The following NFATC2 variants were observed in gnomAD, a reference collection of about 807,000 sequenced individuals.
NFATC2 encodes the protein nuclear factor of activated T cells 2.
In NFATC2, 22 loss-of-function variants were observed where a neutral mutation model predicts 87.3. The observed-to-expected ratio is 0.25, with a 90% CI of 0.18 to 0.36. The LOEUF (loss-of-function observed/expected upper bound fraction) is 0.36. Among genes scored for constraint, NFATC2 ranks in the 10% least tolerant of loss-of-function variants. NFATC2 has a pLI of 1.00. For synonymous variants in NFATC2, 565 were observed against 542.2 expected (o/e 1.04, Z -0.58); for missense variants, 1,149 against 1,259.1 (o/e 0.91, Z 1.32).
chr20:51,445,886 C>T (rs1984996937), intron 6 of NFATC2, among the ~76,000 whole-genome samples: 1 of 152,178 alleles, frequency 6.6e-6, no homozygotes, highest in Admixed American at 6.5e-5. Flanking sequence ...CAGTCAAGGT[C>T]AATCTTACAC....
At chr20:51,522,005 C>T (rs546445163) in intron 2 of NFATC2, among the ~76,000 whole-genome samples, 1 of 152,084 alleles carries the variant, frequency 6.6e-6, no homozygotes, top group East Asian at 1.9e-4. Context: ...GGTGTGCAGG[C>T]ATTGTATTAG....
chr20:51,419,024 T>G lies in NFATC2; in HGVS notation c.2722+13043A>C, dbSNP rs370951966. Among the ~76,000 whole-genome samples the G allele has an allele frequency of 1.5e-3, 233 of 152,052 alleles. 3 individuals are homozygous for G. The South Asian group carries it at 0.02, about 13-fold the overall frequency. ...ATTATAATATATATTTATTTCACTG[T>G]TTGTCTCACCAACTAAGAAGTACGC... On this transcript the variant is annotated intron_variant, in intron 9 of 10. Transcript: ENST00000371564.
Position 51,398,690 on chromosome 20 carries a change from T to A in NFATC2, c.2763A>T (p.Leu921Phe). ...CAAAGATCACAGTCATTCTGTTTCATAATATGTTTTGTATCCAGCTAAGGT... is the reference window on the plus strand; with the variant it reads ...CAAAGATCACAGTCATTCTGTTTCAAAATATGTTTTGTATCCAGCTAAGGT... ...DTHLSWIQNI[L>F] The change falls in exon 10 of 11, where the codon TTA (leucine) becomes TTT (phenylalanine). Residue 921 changes from leucine (L) to phenylalanine (F), a missense_variant. This residue lies in a region of NFATC2 where 581 missense variants were observed against 649.7 expected (regional missense o/e 0.89). Transcript: ENST00000371564. 6.2e-7 allele frequency: 1 copy of A among 1,613,442 alleles called. No homozygotes were observed. Among genetic ancestry groups the A allele is most frequent in the South Asian group, 1.1e-5 (1 of 90,998 alleles).
chr20:51,509,773 G>A (rs1243741815), intron 3 of NFATC2, among the ~76,000 whole-genome samples: 1 of 152,226 alleles, frequency 6.6e-6, no homozygotes, highest in Non-Finnish European at 1.5e-5. Flanking sequence ...CAAGTAAGTT[G>A]CAGTTAGCAT....
chr20:51,426,835 T>C (rs1303625658), intron 9 of NFATC2, among the ~76,000 whole-genome samples: 1 of 151,592 alleles, frequency 6.6e-6, no homozygotes, highest in Non-Finnish European at 1.5e-5. Context: ...CAGGTGGCAA[T>C]TCTGTGGGTG....
At chr20:51,558,961 C>T (rs1464453507) in intron 1 of NFATC2, among the ~76,000 whole-genome samples, 1 of 152,164 alleles carries the variant, frequency 6.6e-6, no homozygotes, top group Non-Finnish European at 1.5e-5. Flanking sequence ...GATCCCTGGC[C>T]TCAGGGGGCT....
chr20:51,519,870 C>T (rs1257702753), intron 2 of NFATC2, among the ~76,000 whole-genome samples: 4 of 150,088 alleles, frequency 2.7e-5, no homozygotes, highest in Non-Finnish European at 4.4e-5. Flanking sequence ...GAGCTGAGAT[C>T]GCACCACTGT....
chr20:51,518,378 A>G (rs570825006), intron 2 of NFATC2, among the ~76,000 whole-genome samples: 48 of 152,338 alleles, frequency 3.2e-4, no homozygotes, highest in South Asian at 2.1e-3. Flanking sequence ...TGTCTTCTCT[A>G]TCACAGCAGT....
At chr20:51,458,035 G>C (rs1373951618) in intron 5 of NFATC2, among the ~76,000 whole-genome samples, 3 of 152,044 alleles carry the variant, frequency 2.0e-5, no homozygotes, top group African/African-American at 7.2e-5. Flanking sequence ...ACAGGTGTGT[G>C]CCACCACATC....
intron 9 of NFATC2, among the ~76,000 whole-genome samples, chr20:51,411,544 T>C (rs1441457294): frequency 7.0e-6 from 1 of 142,916 alleles, no homozygotes; most frequent in Non-Finnish European, 1.5e-5. Context: ...TTTTTTTTTT[T>C]TGAGACAGAG....
At chr20:51,510,076 C>T (rs1340544872) in intron 3 of NFATC2, among the ~76,000 whole-genome samples, 2 of 152,204 alleles carry the variant, frequency 1.3e-5, no homozygotes, top group Non-Finnish European at 2.9e-5. Context: ...GTGAGTGCGA[C>T]GCTTCCACGT....
intron 1 of NFATC2, among the ~76,000 whole-genome samples, chr20:51,535,562 C>T (rs575413693): frequency 7.7e-4 from 118 of 152,338 alleles, no homozygotes; most frequent in African/African-American, 2.2e-3. Flanking sequence ...GGTGGGCACA[C>T]TTCATCAGTG....
At position 51,389,670 on chromosome 20, in the gene NFATC2, C is replaced by G. The variant is rs1986115637; in HGVS notation, c.*1826G>C. The G allele has an allele frequency of 6.6e-6, 1 of 152,158 alleles. No individual in the cohort carries two copies. Among genetic ancestry groups the G allele is most frequent in the Non-Finnish European group, 1.5e-5 (1 of 68,038 alleles). 9.4% of individuals were successfully genotyped at this position (152,158 alleles called of 1,614,324 possible). A position where few individuals can be genotyped will look rare whatever the true frequency, so the allele number is the denominator to read the frequency against. ...GGGAAAAATAAATGCTAGGTATCGA[C>G]CGACAGGTTGCATACAAGTGCACAG... On this transcript the variant is annotated 3_prime_UTR_variant, in exon 11 of 11. Coordinates refer to ENST00000371564, the MANE Select transcript of NFATC2 (RefSeq NM_012340.5).
Position 51,523,905 on chromosome 20 carries a change from C to T in NFATC2, c.336G>A (p.Arg112=), listed in dbSNP as rs2076498060. The change falls in exon 2 of 11, where the codon CGG becomes CGA. Residue 112 remains arginine (R), a synonymous_variant. Transcript: ENST00000371564. The surrounding 1 kb of genome is among the most constrained non-coding windows in gnomAD (Gnocchi z 6.9). The stretch of plus-strand genomic sequence containing the variant: ...GTTCGTGGGACGGAGTGATCTCGAT[C>T]CGAGGGCTCAGGCCCGAGGCCCCTG... ...KPAGASGLSP[R]IEITPSHELI... 6.2e-7 allele frequency: 1 copy of T among 1,606,568 alleles called. No individual in the cohort carries two copies. Among genetic ancestry groups the T allele is most frequent in the African/African-American group, 1.3e-5 (1 of 74,526 alleles).
At position 51,542,479 on chromosome 20, in the gene NFATC2, C is replaced by T; in HGVS notation, c.21G>A (p.Gln7=). MNAPER[Q]PQPDGGDAPG... is the part of the protein sequence containing the mutation. ...GGGCGTCCCCGCCGTCGGGTTGGGG[C>T]TGCCGCTCGGGGGCGTTCATGGCGC... The change falls in exon 1 of 11, where the codon CAG becomes CAA. Residue 7 remains glutamine (Q), a synonymous_variant. Coordinates refer to ENST00000371564, the MANE Select transcript of NFATC2 (RefSeq NM_012340.5). 2 of 1,557,350 alleles carry T rather than the reference C, an allele frequency of 1.3e-6. No homozygotes were observed. The highest frequency in any genetic ancestry group is 1.2e-5 in the South Asian group (1 of 85,866).
At chr20:51,467,100 C>T (rs1351135949) in intron 5 of NFATC2, among the ~76,000 whole-genome samples, 1 of 145,120 alleles carries the variant, frequency 6.9e-6, no homozygotes. Flanking sequence ...AGACACAAGA[C>T]ATTACCTGAA....
intron 2 of NFATC2, 150 bp downstream of exon 2, chr20:51,522,931 T>G (rs2076472391): frequency 1.8e-6 from 2 of 1,094,152 alleles, no homozygotes; most frequent in Non-Finnish European, 2.6e-6. Flanking sequence ...AACTTCCGTC[T>G]CAGGGTCTCG....
At chr20:51,393,382 AGCCAG>A (rs1986598761) in intron 10 of NFATC2, among the ~76,000 whole-genome samples, 3 of 152,256 alleles carry the variant, frequency 2.0e-5, no homozygotes, top group Admixed American at 2.0e-4. Context: ...CCCAGCGTTC[AGCCAG>A]TATTGGTTTG....
intron 6 of NFATC2, among the ~76,000 whole-genome samples, chr20:51,442,511 C>A (rs564702957): frequency 6.6e-6 from 1 of 151,998 alleles, no homozygotes; most frequent in Admixed American, 6.6e-5. Context: ...CGCATGATGC[C>A]GCTTTGTAAG....
Sources: gnomAD v4.1 joint callset for allele counts (sites outside exome capture counted in the v4.1 genomes callset) on GRCh38, gnomAD v4.1.1 for gene constraint, gnomAD v4.1.1 regional missense constraint, Gnocchi (gnomAD v3.1) non-coding constraint, MANE v1.5 for transcripts, NCBI Gene and HGNC (gene_info 2026-07-23, HGNC 2026-07-21) for gene names.